BAIAP2L2: variants seen among roughly 807,000 people sequenced by gnomAD.
BAIAP2L2 encodes BAR/IMD domain containing adaptor protein 2 like 2.
BAIAP2L2 carries 65 observed loss-of-function variants against 60.4 expected under a neutral mutation model. The observed-to-expected ratio is 1.08, with a 90% CI of 0.88 to 1.32. The LOEUF is 1.32. BAIAP2L2 is among the 40% of genes most tolerant of loss of function. BAIAP2L2 has a pLI of 0.00. For synonymous variants in BAIAP2L2, 344 were observed against 301.7 expected (o/e 1.14, Z -1.45); for missense variants, 836 against 741.2 (o/e 1.13, Z -1.48).
At chr22:38,107,965 C>T (rs56076229) in intron 3 of BAIAP2L2, 52 bp from the exon 4 acceptor site, 256,152 of 1,572,088 alleles carry the variant, frequency 0.16, 22,554 homozygotes, top group Non-Finnish European at 0.18. Flanking sequence ...CTGCCCCGCC[C>T]ACCCACCACC....
chr22:38,085,318 T>C lies in BAIAP2L2; in HGVS notation c.1572A>G (p.Ser524=). The change falls in exon 14 of 14, where the codon TCA becomes TCG. Residue 524 remains serine (S), a synonymous_variant. Coordinates refer to ENST00000381669, the MANE Select transcript of BAIAP2L2 (RefSeq NM_025045.6). The part of the protein sequence containing the change: ...KLRPTITNDR[S]APLIR ...CCCCGCCTCAGCGGATGAGGGGTGCTGAGCGGTCATTGGTGATGGTGGGAC... is the reference window on the plus strand; with the variant it reads ...CCCCGCCTCAGCGGATGAGGGGTGCCGAGCGGTCATTGGTGATGGTGGGAC... The C allele has an allele frequency of 6.2e-7, 1 of 1,614,030 alleles. No individual in the cohort carries two copies. The highest frequency in any genetic ancestry group is 1.1e-5 in the South Asian group (1 of 91,066).
chr22:38,086,539 G>T, intron 11 of BAIAP2L2, 90 bp from the exon 12 acceptor site: 2 of 975,218 alleles, frequency 2.1e-6, no homozygotes, highest in Non-Finnish European at 3.0e-6. Flanking sequence ...TAGGCAGGAG[G>T]CATCCGACAG....
At position 38,089,820 on chromosome 22, in the gene BAIAP2L2, C is replaced by T. The variant is rs1341231020; in HGVS notation, c.613-146G>A. On this transcript the variant is annotated intron_variant, in intron 7 of 13. Coordinates refer to ENST00000381669, the MANE Select transcript of BAIAP2L2 (RefSeq NM_025045.6). ...CTAGCTGGAAGGAGCCAGAAGCCAG[C>T]TCACCGTCCAACCCGCACCCTCTAC... is the stretch of plus-strand genomic sequence containing the variant. The T allele has an allele frequency of 1.4e-5, 11 of 801,492 alleles. No individual in the cohort carries two copies. In the South Asian group the frequency reaches 2.7e-4, roughly 19 times the overall value. 49.6% of individuals were successfully genotyped at this position (801,492 alleles called of 1,614,324 possible). A position where few individuals can be genotyped will look rare whatever the true frequency, so the allele number is the denominator to read the frequency against.
intron 7 of BAIAP2L2, among the ~76,000 whole-genome samples, chr22:38,095,363 A>G (rs4821736): frequency 0.41 from 62,360 of 151,644 alleles, 14,005 homozygotes; most frequent in South Asian, 0.57. Flanking sequence ...TTCTTAAGGT[A>G]TTATCTCATC....
intron 1 of BAIAP2L2, 126 bp from the exon 2 acceptor site, chr22:38,109,334 T>C (rs1474026915): frequency 2.7e-6 from 2 of 741,444 alleles, no homozygotes; most frequent in Non-Finnish European, 4.6e-6. Flanking sequence ...GCCCCAGACT[T>C]TGGGGGGCCC....
rs1186564887 is a variant in BAIAP2L2 at position 38,109,133 on chromosome 22, C to G, written c.127G>C (p.Ala43Pro). Residue 43 changes from alanine to proline, a missense_variant and splice_region_variant, in exon 2 of 14, where the codon GCT becomes CCT. Coordinates refer to ENST00000381669, the MANE Select transcript of BAIAP2L2 (RefSeq NM_025045.6). ...LGNNYLRAFH[A>P]LSEAAEVYFS... Reference sequence around the variant, plus strand: ...CTCGGTGGCCCGGGCAGGCACTCACCGTGGAAGGCACGCAGGTAGTTGTTG... The same window carrying G: ...CTCGGTGGCCCGGGCAGGCACTCACGGTGGAAGGCACGCAGGTAGTTGTTG... 1 of 1,611,452 alleles carries G rather than the reference C, an allele frequency of 6.2e-7. No homozygotes were observed. The highest frequency in any genetic ancestry group is 8.5e-7 in the Non-Finnish European group (1 of 1,178,750).
chr22:38,086,581 G>A, intron 11 of BAIAP2L2, 132 bp from the exon 12 acceptor site: 1 of 689,274 alleles, frequency 1.5e-6, no homozygotes, highest in Non-Finnish European at 2.4e-6. Context: ...AAAGGAGACT[G>A]TTGACCGGAG....
intron 4 of BAIAP2L2, among the ~76,000 whole-genome samples, chr22:38,106,339 T>C (rs2086664267): frequency 6.6e-6 from 1 of 151,708 alleles, no homozygotes; most frequent in Admixed American, 6.6e-5. Context: ...GCCAACATGG[T>C]GAAACCCCGT....
intron 7 of BAIAP2L2, among the ~76,000 whole-genome samples, chr22:38,095,165 C>T (rs2086400535): frequency 1.3e-5 from 2 of 151,946 alleles, no homozygotes; most frequent in African/African-American, 4.8e-5. Flanking sequence ...TAAATAAATA[C>T]ATACACACAT....
In BAIAP2L2 at chr22:38,110,649, G is replaced by A. The variant is rs553660341; in HGVS notation, c.-124C>T. The A allele has an allele frequency of 1.1e-4, 76 of 723,348 alleles. No individual in the cohort carries two copies. Among genetic ancestry groups the A allele is most frequent in the Admixed American group, 4.2e-4 (14 of 33,214 alleles). 44.8% of individuals were successfully genotyped at this position (723,348 alleles called of 1,614,324 possible). A position where few individuals can be genotyped will look rare whatever the true frequency, so the allele number is the denominator to read the frequency against. On this transcript the variant is annotated 5_prime_UTR_variant, in exon 1 of 14. Coordinates refer to ENST00000381669, the MANE Select transcript of BAIAP2L2 (RefSeq NM_025045.6). ...CTGGCAGCGAGGAAGCCTCGGAGAGGGACCTGGAGATGGAGGCCTGCCTCA... is the reference window on the plus strand; with the variant it reads ...CTGGCAGCGAGGAAGCCTCGGAGAGAGACCTGGAGATGGAGGCCTGCCTCA...
At chr22:38,087,046 C>T (rs549351541) in intron 11 of BAIAP2L2, 78 bp downstream of exon 11, 9 of 1,432,372 alleles carry the variant, frequency 6.3e-6, no homozygotes, top group African/African-American at 3.0e-5. Flanking sequence ...AAGCCTGCAC[C>T]TTGCAGATCC....
rs2086453704 is a variant in BAIAP2L2, at chr22:38,097,146, C to T, written c.498G>A (p.Gln166=). 1 of 1,613,798 alleles carries T rather than the reference C, an allele frequency of 6.2e-7. No individual in the cohort carries two copies. Among genetic ancestry groups the T allele is most frequent in the East Asian group, 2.2e-5 (1 of 44,890 alleles). The stretch of plus-strand genomic sequence containing the variant: ...CCCGCTGACTCTCAGACACGAAGGC[C>T]TGCATCTGTGCGTGCAGCCGGTTCA... ...ESVNRLHAQM[Q]AFVSESQRAA... Residue 166 remains glutamine, a synonymous_variant, in exon 7 of 14, where the codon CAG becomes CAA. Coordinates refer to ENST00000381669, the MANE Select transcript of BAIAP2L2 (RefSeq NM_025045.6).
intron 4 of BAIAP2L2, among the ~76,000 whole-genome samples, chr22:38,099,948 G>T (rs2086531117): frequency 6.6e-6 from 1 of 152,214 alleles, no homozygotes. Context: ...AATTTCTAAA[G>T]TTTAAGGTTT....
chr22:38,089,636 CT>C lies in BAIAP2L2; in HGVS notation c.650del (p.Lys217ArgfsTer32). 8.1e-7 allele frequency: 1 copy of C among 1,232,002 alleles called. No homozygotes were observed. Among genetic ancestry groups the C allele is most frequent in the Non-Finnish European group, 1.0e-6 (1 of 988,070 alleles). 76.3% of individuals were successfully genotyped at this position (1,232,002 alleles called of 1,614,324 possible). On this transcript the variant is annotated frameshift_variant, in exon 8 of 14. Coordinates refer to ENST00000381669, the MANE Select transcript of BAIAP2L2 (RefSeq NM_025045.6). LOFTEE classifies it high-confidence loss of function. Reference protein sequence around the residue: ...GMLQNRVLLWKEQSEASRSPS... With the variant: ...GMLQNRVLLWXEQSEASRSPS... ...GGCTGCGGCTGGCCTCAGACTGCTC[CT>C]TCCACAGCAGCACGCGGTTCTGGAG...
chr22:38,109,218 A>C lies in BAIAP2L2; in HGVS notation c.52-10T>G, dbSNP rs1357978635. The stretch of plus-strand genomic sequence containing the variant: ...ACTGCTCCATGATGCTCTGGACCCC[A>C]GGGTCAGGGGAGGAAAAAGGTGTAG... On this transcript the variant is annotated splice_polypyrimidine_tract_variant and intron_variant, in intron 1 of 13. Transcript: ENST00000381669. 1.2e-6 allele frequency: 2 copies of C among 1,605,704 alleles called. No homozygotes were observed. The highest frequency in any genetic ancestry group is 3.3e-5 in the Admixed American group (2 of 59,930).
At chr22:38,104,257 G>C (rs2086619833) in intron 4 of BAIAP2L2, among the ~76,000 whole-genome samples, 1 of 152,210 alleles carries the variant, frequency 6.6e-6, no homozygotes, top group Admixed American at 6.5e-5. Context: ...ATGCATGGCA[G>C]ATCTAGACAC....
intron 4 of BAIAP2L2, among the ~76,000 whole-genome samples, chr22:38,098,984 C>G (rs9622724): frequency 0.033 from 5,053 of 152,304 alleles, 229 homozygotes; most frequent in East Asian, 0.095. Flanking sequence ...CCATGGCTCA[C>G]CTCTGTGTCC....
At chr22:38,089,025 A>AT in intron 9 of BAIAP2L2, 61 bp from the exon 10 acceptor site, 2 of 1,448,232 alleles carry the variant, frequency 1.4e-6, no homozygotes, top group Non-Finnish European at 9.1e-7. Flanking sequence ...TCTGCCCTCG[A>AT]TCCCTCCTGC....
chr22:38,093,299 T>A (rs2086352122), intron 7 of BAIAP2L2, among the ~76,000 whole-genome samples: 1 of 152,236 alleles, frequency 6.6e-6, no homozygotes. Context: ...ATGCGGGCAA[T>A]GCACTTCTTG....
Sources: gnomAD v4.1 joint callset for allele counts (sites outside exome capture counted in the v4.1 genomes callset) on GRCh38, gnomAD v4.1.1 for gene constraint, MANE v1.5 for transcripts, NCBI Gene and HGNC (gene_info 2026-07-23, HGNC 2026-07-21) for gene names.